Variants in XKR6 observed in about 807,000 individuals in gnomAD.
XKR6 encodes XK-related protein 6.
Under a neutral mutation model 56.7 loss-of-function variants are expected in XKR6, and 22 were observed. The ratio of observed to expected loss-of-function variants is 0.39; its 90% CI spans 0.28 to 0.55. The LOEUF (loss-of-function observed/expected upper bound fraction) is 0.55, where lower values mean the gene tolerates loss of function less well. Ranked by LOEUF, XKR6 falls within the 20% of genes least tolerant of loss-of-function variation. XKR6 has a pLI of 0.66. For synonymous variants in XKR6, 524 were observed against 387.8 expected, an observed-to-expected ratio of 1.35 and a Z score of -4.13; for missense variants, 852 against 889.0, an observed-to-expected ratio of 0.96 and a Z score of 0.53.
chr8:10,926,267 C>A (rs937201693), intron 1 of XKR6, among the ~76,000 whole-genome samples: 1 of 152,208 alleles, frequency 6.6e-6, no homozygotes, highest in African/African-American at 2.4e-5. Context: ...GCTGGAGTCT[C>A]CTCACTGGTC....
intron 1 of XKR6, among the ~76,000 whole-genome samples, chr8:11,185,537 T>A (rs977445611): frequency 6.6e-6 from 1 of 152,232 alleles, no homozygotes; most frequent in South Asian, 2.1e-4. Flanking sequence ...TTTTTAAATA[T>A]CTATTTGGTG....
At chr8:10,972,532 T>C (rs780047781) in intron 1 of XKR6, among the ~76,000 whole-genome samples, 2 of 152,150 alleles carry the variant, frequency 1.3e-5, no homozygotes, top group African/African-American at 2.4e-5. Context: ...GTATTGCACA[T>C]TAAAAGGAGG....
intron 1 of XKR6, among the ~76,000 whole-genome samples, chr8:11,068,577 G>A (rs979921490): frequency 2.0e-5 from 3 of 152,030 alleles, no homozygotes; most frequent in African/African-American, 4.8e-5. Flanking sequence ...GAAAGCTACT[G>A]CTTCAGGCAG....
At chr8:11,039,049 G>C (rs909286536) in intron 1 of XKR6, among the ~76,000 whole-genome samples, 27 of 151,512 alleles carry the variant, frequency 1.8e-4, no homozygotes, top group African/African-American at 6.1e-4. Context: ...ATGGTCCCCA[G>C]AGAGTGGCGC....
At chr8:11,115,772 C>A (rs1190773203) in intron 1 of XKR6, among the ~76,000 whole-genome samples, 1 of 152,210 alleles carries the variant, frequency 6.6e-6, no homozygotes, top group Non-Finnish European at 1.5e-5. Flanking sequence ...TCAAGATCAT[C>A]ACCAAGGCCT....
chr8:11,173,019 C>T (rs189110230), intron 1 of XKR6, among the ~76,000 whole-genome samples: 1 of 152,052 alleles, frequency 6.6e-6, no homozygotes, highest in Non-Finnish European at 1.5e-5. Flanking sequence ...GATTTGGGGG[C>T]CAAAAAGGTA....
intron 2 of XKR6, among the ~76,000 whole-genome samples, chr8:10,908,097 T>C (rs996065135): frequency 6.6e-6 from 1 of 152,156 alleles, no homozygotes; most frequent in Admixed American, 6.5e-5. Flanking sequence ...TGGATTGAGG[T>C]GTGGCTGAGA....
At chr8:10,983,500 T>C (rs1227775458) in intron 1 of XKR6, among the ~76,000 whole-genome samples, 2 of 151,980 alleles carry the variant, frequency 1.3e-5, no homozygotes, top group African/African-American at 4.8e-5. Flanking sequence ...AGAACAATTA[T>C]CACAGAAAAA....
chr8:10,905,144 C>T (rs1008411084), intron 2 of XKR6, among the ~76,000 whole-genome samples: 2 of 152,132 alleles, frequency 1.3e-5, no homozygotes, highest in Admixed American at 1.3e-4. Context: ...ACCCTGCATC[C>T]TCTCCTGAAG....
chr8:10,946,330 G>C (rs988967424), intron 1 of XKR6, among the ~76,000 whole-genome samples: 2 of 152,072 alleles, frequency 1.3e-5, no homozygotes, highest in Non-Finnish European at 2.9e-5. Flanking sequence ...TCCACCGGGG[G>C]CTTTGAATCG....
intron 1 of XKR6, among the ~76,000 whole-genome samples, chr8:11,162,333 GCTACA>G (rs1801854374): frequency 6.6e-6 from 1 of 152,064 alleles, no homozygotes; most frequent in Admixed American, 6.5e-5. Context: ...GCCCTGAAGA[GCTACA>G]CTCCAGCCTC....
At chr8:11,062,827 G>A (rs748191176) in intron 1 of XKR6, 56 of 456,160 alleles carry the variant, frequency 1.2e-4, no homozygotes, top group Admixed American at 3.3e-4. Context: ...GGCAATCAGC[G>A]TGGCCGTGCG....
intron 1 of XKR6, among the ~76,000 whole-genome samples, chr8:11,059,451 G>A (rs1002761471): frequency 6.6e-6 from 1 of 152,288 alleles, no homozygotes; most frequent in East Asian, 1.9e-4. Flanking sequence ...GCGTCCCCGC[G>A]CCGGCGCCGA....
At chr8:11,192,162 A>T (rs867441126) in intron 1 of XKR6, among the ~76,000 whole-genome samples, 109 of 147,384 alleles carry the variant, frequency 7.4e-4, no homozygotes, top group East Asian at 5.2e-3. Flanking sequence ...TACAAAAAAA[A>T]TTTTTTTTTT....
intron 1 of XKR6, chr8:11,035,437 G>A (rs1228571971): frequency 1.3e-5 from 6 of 469,950 alleles, no homozygotes; most frequent in African/African-American, 7.9e-5. Flanking sequence ...CCAAATCTCT[G>A]CACCCAAACA....
At chr8:11,014,293 C>A (rs1329074699) in intron 1 of XKR6, among the ~76,000 whole-genome samples, 1 of 152,176 alleles carries the variant, frequency 6.6e-6, no homozygotes, top group Non-Finnish European at 1.5e-5. Flanking sequence ...CTTAGCGCCC[C>A]TTCTGGAAAA....
chr8:11,015,099 C>T (rs1798588038), intron 1 of XKR6, among the ~76,000 whole-genome samples: 1 of 152,120 alleles, frequency 6.6e-6, no homozygotes. Flanking sequence ...GAAGCCGGGA[C>T]CTGGGTTGGG....
intron 1 of XKR6, among the ~76,000 whole-genome samples, chr8:11,164,050 G>C (rs1253333849): frequency 1.3e-5 from 2 of 152,170 alleles, no homozygotes; most frequent in Non-Finnish European, 2.9e-5. Flanking sequence ...CTGATTTCAA[G>C]TGTACAATCC....
chr8:11,103,631 C>T (rs1798569002), intron 1 of XKR6, among the ~76,000 whole-genome samples: 1 of 152,130 alleles, frequency 6.6e-6, no homozygotes, highest in Non-Finnish European at 1.5e-5. Context: ...AAAGAAAATC[C>T]TAATTCCTAA....
Sources: allele counts gnomAD v4.1 joint callset (sites outside exome capture counted in the v4.1 genomes callset), GRCh38; gene constraint gnomAD v4.1.1; transcripts MANE v1.5; gene names NCBI Gene and HGNC (gene_info 2026-07-23, HGNC 2026-07-21).